The following DUS2 variants were observed in gnomAD, a reference collection of about 807,000 sequenced individuals.
DUS2 encodes dihydrouridine synthase 2, also known as tRNA-dihydrouridine(20) synthase [NAD(P)+]-like.
A neutral mutation model predicts 71.3 loss-of-function variants in DUS2; 52 were observed. The observed-to-expected ratio is 0.73, with a 90% CI of 0.58 to 0.92. The LOEUF (loss-of-function observed/expected upper bound fraction) is 0.92. DUS2 is among the 40% of genes least tolerant of loss of function. The probability of loss-of-function intolerance (pLI) is 0.00; values close to 1 mark genes in which losing one functional copy is unlikely to be tolerated. For synonymous variants in DUS2, 204 were observed against 227.8 expected (o/e 0.90, Z 0.94); for missense variants, 558 against 622.6 (o/e 0.90, Z 1.10).
In DUS2 at chr16:68,038,092, G is replaced by A. The variant is rs1366770635; in HGVS notation, c.69G>A (p.Gly23=). 2.5e-6 allele frequency: 4 copies of A among 1,613,928 alleles called. No homozygotes were observed. In the South Asian group the frequency reaches 4.4e-5, roughly 18 times the overall value. ...TCCTGGCCCCAATGGTTCGGGTAGG[G>A]ACTCTTCCAATGAGGCTGCTGGCCC... is the stretch of plus-strand genomic sequence containing the variant. ...KLILAPMVRV[G]TLPMRLLALD... The change falls in exon 3 of 17, where the codon GGG becomes GGA. Residue 23 remains glycine (G), a synonymous_variant. Transcript: ENST00000565263.
chr16:68,036,509 TAGTC>T (rs1376057809), intron 2 of DUS2, among the ~76,000 whole-genome samples: 3 of 151,736 alleles, frequency 2.0e-5, no homozygotes, highest in Non-Finnish European at 2.9e-5. Flanking sequence ...TTCACCTTGT[TAGTC>T]AGGCTGATCT....
At chr16:68,048,386 C>T (rs1416785553) in intron 3 of DUS2, among the ~76,000 whole-genome samples, 1 of 152,174 alleles carries the variant, frequency 6.6e-6, no homozygotes, top group African/African-American at 2.4e-5. Context: ...CAACTAGGAT[C>T]ACTGGCTACT....
rs781096203 is a variant in DUS2, at chr16:68,076,762, C to T, written c.1170+43C>T. On this transcript the variant is annotated intron_variant, in intron 15 of 16. Coordinates refer to ENST00000565263, the MANE Select transcript of DUS2 (RefSeq NM_017803.5). ...GCCTGCCCTGCAGCCAGTCACAGCA[C>T]TCCCATGGCTTACACCCTCAACTCT... 6 of 1,529,140 alleles carry T rather than the reference C, an allele frequency of 3.9e-6. No homozygotes were observed. In the African/African-American group the frequency reaches 6.8e-5, roughly 17 times the overall value. 94.7% of individuals were successfully genotyped at this position (1,529,140 alleles called of 1,614,324 possible). A position where few individuals can be genotyped will look rare whatever the true frequency, so the allele number is the denominator to read the frequency against.
Position 68,071,075 on chromosome 16 carries a change from C to G in DUS2, c.777C>G (p.Pro259=), listed in dbSNP as rs1225148238. ...PSIFLKEGLR[P]LEEVMQKYIR... ...TCTTCCTCAAGGAGGGTCTGCGGCC[C>G]CTGGAGGAGGTCATGCAGAAATACA... The change falls in exon 12 of 17, where the codon CCC becomes CCG. Residue 259 remains proline, a synonymous_variant. Coordinates refer to ENST00000565263, the MANE Select transcript of DUS2 (RefSeq NM_017803.5). 6.2e-7 allele frequency: 1 copy of G among 1,614,180 alleles called. No individual in the cohort carries two copies. The highest frequency in any genetic ancestry group is 8.5e-7 in the Non-Finnish European group (1 of 1,180,036).
rs755730818 is a variant in DUS2, at chr16:68,074,099, G to T, written c.876G>T (p.Gln292His). The T allele has an allele frequency of 4.3e-6, 7 of 1,614,204 alleles. No individual in the cohort carries two copies. The highest frequency in any genetic ancestry group is 2.2e-5 in the South Asian group (2 of 91,086). The part of the protein sequence containing the change: ...KYCLCQMLRE[Q>H]LESPQGRLLH... Reference sequence around the variant, plus strand: ...GCTTGTGCCAGATGCTACGAGAACAGCTGGAGTCGCCCCAGGGAAGGTTGC... The same window carrying T: ...GCTTGTGCCAGATGCTACGAGAACATCTGGAGTCGCCCCAGGGAAGGTTGC... The change falls in exon 13 of 17, where the codon CAG (glutamine) becomes CAT (histidine). Residue 292 changes from glutamine (Q) to histidine (H), a missense_variant. Coordinates refer to ENST00000565263, the MANE Select transcript of DUS2 (RefSeq NM_017803.5).
chr16:68,036,569 C>T (rs2033531765), intron 2 of DUS2, among the ~76,000 whole-genome samples: 2 of 152,114 alleles, frequency 1.3e-5, no homozygotes, highest in East Asian at 1.9e-4. Context: ...TCCCAAAGTG[C>T]TAGGATTACA....
At chr16:68,032,030 A>G (rs2151409659) in intron 2 of DUS2, among the ~76,000 whole-genome samples, 1 of 152,338 alleles carries the variant, frequency 6.6e-6, no homozygotes, top group South Asian at 2.1e-4. Context: ...GTAATAGAGG[A>G]GACCAGCCCT....
At position 68,075,337 on chromosome 16, in the gene DUS2, C is replaced by G. The variant is rs201755428; in HGVS notation, c.933-18C>G. 2,126 of 1,588,582 alleles carry G rather than the reference C, an allele frequency of 1.3e-3. 2 individuals carry two copies. The highest frequency in any genetic ancestry group is 1.7e-3 in the Non-Finnish European group (2,034 of 1,166,614). On this transcript the variant is annotated intron_variant, in intron 13 of 16. Coordinates refer to ENST00000565263, the MANE Select transcript of DUS2 (RefSeq NM_017803.5). The stretch of plus-strand genomic sequence containing the variant: ...GCTCCGCTAAAGTGTTTGCTCTGAT[C>G]TGCTTCTTCCTCCCTAGTGAGGCCT...
chr16:68,043,321 G>A (rs1257955792), intron 3 of DUS2, among the ~76,000 whole-genome samples: 1 of 152,146 alleles, frequency 6.6e-6, no homozygotes, highest in East Asian at 1.9e-4. Context: ...CAGGAGAATT[G>A]CTTGAACCCA....
chr16:68,053,806 GC>G, intron 5 of DUS2, 151 bp downstream of exon 5: 1 of 717,656 alleles, frequency 1.4e-6, no homozygotes, highest in Non-Finnish European at 2.3e-6. Context: ...TTTCCAAAGA[GC>G]CAGTCATGAG....
chr16:68,062,912 T>A (rs534377617), intron 8 of DUS2, among the ~76,000 whole-genome samples: 40 of 152,164 alleles, frequency 2.6e-4, no homozygotes, highest in Non-Finnish European at 4.1e-4. Context: ...TTAAGACACT[T>A]GTGTGCAGGG....
At chr16:68,067,483 C>T (rs2034027383) in intron 10 of DUS2, among the ~76,000 whole-genome samples, 1 of 150,062 alleles carries the variant, frequency 6.7e-6, no homozygotes, top group Admixed American at 6.6e-5. Flanking sequence ...GGTTTCACCA[C>T]GTTGGCCAGG....
chr16:68,045,250 CT>C (rs2033683353), intron 3 of DUS2, among the ~76,000 whole-genome samples: 1 of 152,094 alleles, frequency 6.6e-6, no homozygotes, highest in South Asian at 2.1e-4. Context: ...CTTTCTGTCT[CT>C]CTCTGTCTCT....
At chr16:68,036,461 C>T (rs1001736716) in intron 2 of DUS2, among the ~76,000 whole-genome samples, 3 of 151,128 alleles carry the variant, frequency 2.0e-5, no homozygotes, top group Non-Finnish European at 1.5e-5. Flanking sequence ...TCACTCGGCC[C>T]AGCTGGCTAA....
chr16:68,070,844 A>G, intron 11 of DUS2, 96 bp from the exon 12 acceptor site: 4 of 1,368,738 alleles, frequency 2.9e-6, no homozygotes, highest in Non-Finnish European at 4.1e-6. Flanking sequence ...CCAAATTCAC[A>G]TTGTTAATCA....
intron 7 of DUS2, among the ~76,000 whole-genome samples, chr16:68,058,293 C>T (rs895050452): frequency 1.3e-5 from 2 of 150,658 alleles, no homozygotes; most frequent in African/African-American, 4.9e-5. Flanking sequence ...AGTGCAATCT[C>T]GGCTGACTGC....
At chr16:68,072,493 G>T (rs1041723985) in intron 12 of DUS2, among the ~76,000 whole-genome samples, 1 of 152,250 alleles carries the variant, frequency 6.6e-6, no homozygotes, top group Non-Finnish European at 1.5e-5. Flanking sequence ...CCTCAAGAGG[G>T]TGTGCTATCA....
chr16:68,069,190 A>C (rs1177338179), intron 10 of DUS2, among the ~76,000 whole-genome samples: 1 of 152,030 alleles, frequency 6.6e-6, no homozygotes, highest in Non-Finnish European at 1.5e-5. Context: ...GGAGTTCAAG[A>C]CCAGCCTGAC....
intron 6 of DUS2, among the ~76,000 whole-genome samples, chr16:68,055,046 A>G (rs577453385): frequency 1.3e-5 from 2 of 151,886 alleles, no homozygotes; most frequent in East Asian, 3.9e-4. Flanking sequence ...TGTCTTAAAA[A>G]AAAAAGAGTG....
Sources: allele counts gnomAD v4.1 joint callset (sites outside exome capture counted in the v4.1 genomes callset), GRCh38; gene constraint gnomAD v4.1.1; transcripts MANE v1.5; gene names NCBI Gene and HGNC (gene_info 2026-07-23, HGNC 2026-07-21).